Variants in CATSPERT observed in about 807,000 individuals in gnomAD.
CATSPERT encodes the protein cation channel sperm-associated targeting subunit tau.
chr2:201,589,029 C>T, the CATSPERT span, among the ~76,000 whole-genome samples: 1 of 152,012 alleles, frequency 6.6e-6, no homozygotes, highest in Admixed American at 6.6e-5. Context: ...AATAAAATAC[C>T]TAGGAGTACA....
chr2:201,551,907 T>TA, the CATSPERT span, among the ~76,000 whole-genome samples: 728 of 132,696 alleles, frequency 5.5e-3, 4 homozygotes, highest in African/African-American at 0.013. Flanking sequence ...AAACTCCGTC[T>TA]AAAAAAAAAA....
At chr2:201,513,513 C>T in the CATSPERT span, among the ~76,000 whole-genome samples, 1 of 152,190 alleles carries the variant, frequency 6.6e-6, no homozygotes, top group Non-Finnish European at 1.5e-5. Context: ...CTGTGGAAAG[C>T]ACTTTAGGAA....
At chr2:201,496,001 A>G in the CATSPERT span, 1 of 1,345,366 alleles carries the variant, frequency 7.4e-7, no homozygotes, top group East Asian at 2.3e-5. Flanking sequence ...ATTTTAGATT[A>G]CTTGTAATAT....
chr2:201,519,864 T>G, the CATSPERT span, among the ~76,000 whole-genome samples: 342 of 152,312 alleles, frequency 2.2e-3, 3 homozygotes, highest in African/African-American at 7.8e-3. Context: ...TAAATGCCGA[T>G]TTTAAAAATA....
chr2:201,600,579 G>GT, the CATSPERT span, among the ~76,000 whole-genome samples: 9 of 151,806 alleles, frequency 5.9e-5, no homozygotes, highest in East Asian at 1.6e-3. Context: ...AGAACTTAAA[G>GT]TATAATAAAA....
At chr2:201,519,348 C>T in the CATSPERT span, among the ~76,000 whole-genome samples, 10 of 152,020 alleles carry the variant, frequency 6.6e-5, no homozygotes, top group African/African-American at 2.4e-4. Context: ...TGAACCAACA[C>T]CCAAGACCCA....
chr2:201,494,173 T>C, the CATSPERT span: 2 of 1,532,430 alleles, frequency 1.3e-6, no homozygotes, highest in African/African-American at 1.4e-5. Flanking sequence ...CAATACGTTG[T>C]CTTCCATACT....
chr2:201,514,545 GA>G, the CATSPERT span, among the ~76,000 whole-genome samples: 1 of 152,154 alleles, frequency 6.6e-6, no homozygotes, highest in South Asian at 2.1e-4. Context: ...ACCTAATGAA[GA>G]ATGTCTATGA....
the CATSPERT span, among the ~76,000 whole-genome samples, chr2:201,566,277 A>G: frequency 1.3e-5 from 2 of 151,462 alleles, no homozygotes; most frequent in African/African-American, 4.9e-5. Context: ...TTACATATGT[A>G]TACATGTGCC....
At chr2:201,559,278 GCTC>G in the CATSPERT span, among the ~76,000 whole-genome samples, 1 of 152,188 alleles carries the variant, frequency 6.6e-6, no homozygotes, top group African/African-American at 2.4e-5. Context: ...CTGAGAAACA[GCTC>G]CTCAGGCTAC....
chr2:201,599,291 C>T, the CATSPERT span, among the ~76,000 whole-genome samples: 23 of 152,014 alleles, frequency 1.5e-4, no homozygotes, highest in Non-Finnish European at 2.8e-4. Flanking sequence ...GCTGCCTTTT[C>T]GACCTCTAAA....
At chr2:201,590,410 A>G in the CATSPERT span, among the ~76,000 whole-genome samples, 1 of 151,982 alleles carries the variant, frequency 6.6e-6, no homozygotes, top group African/African-American at 2.4e-5. Flanking sequence ...GTTGGTTCCA[A>G]GTCTTTGCTA....
the CATSPERT span, among the ~76,000 whole-genome samples, chr2:201,551,847 G>A: frequency 6.6e-6 from 1 of 151,418 alleles, no homozygotes; most frequent in South Asian, 2.1e-4. Context: ...GCCGGAGGTT[G>A]CAGTGAGCTG....
At chr2:201,559,219 C>T in the CATSPERT span, among the ~76,000 whole-genome samples, 2 of 152,232 alleles carry the variant, frequency 1.3e-5, no homozygotes, top group African/African-American at 4.8e-5. Context: ...CTGCCCCTGA[C>T]AGGCATGTCC....
chr2:201,519,979 T>C, the CATSPERT span, among the ~76,000 whole-genome samples: 1 of 152,028 alleles, frequency 6.6e-6, no homozygotes, highest in South Asian at 2.1e-4. Context: ...GAAAAAGATA[T>C]TCCACACAAA....
chr2:201,614,771 G>T, the CATSPERT span, among the ~76,000 whole-genome samples: 1 of 152,156 alleles, frequency 6.6e-6, no homozygotes, highest in Non-Finnish European at 1.5e-5. Flanking sequence ...TGGCAAATTG[G>T]ATAAAGAGTC....
At chr2:201,498,701 T>G in the CATSPERT span, among the ~76,000 whole-genome samples, 2 of 152,110 alleles carry the variant, frequency 1.3e-5, no homozygotes, top group Non-Finnish European at 2.9e-5. Context: ...GGAATGTCCA[T>G]AGTTATTAAA....
At chr2:201,514,151 T>C in the CATSPERT span, among the ~76,000 whole-genome samples, 107 of 152,248 alleles carry the variant, frequency 7.0e-4, no homozygotes, top group Admixed American at 1.0e-3. Flanking sequence ...AAATTATTCA[T>C]AAATTCTTCT....
the CATSPERT span, chr2:201,582,106 C>CA: frequency 6.2e-7 from 1 of 1,603,620 alleles, no homozygotes; most frequent in South Asian, 1.1e-5. Context: ...TGAATTACCT[C>CA]ATAAAGATGT....
Sources: allele counts gnomAD v4.1 joint callset (sites outside exome capture counted in the v4.1 genomes callset), GRCh38; gene constraint gnomAD v4.1.1; transcripts MANE v1.5; gene names NCBI Gene and HGNC (gene_info 2026-07-23, HGNC 2026-07-21).